Variants in BIRC2 observed in about 807,000 individuals in gnomAD.
The protein encoded by BIRC2 is baculoviral IAP repeat-containing protein 2.
A neutral mutation model predicts 60.9 loss-of-function variants in BIRC2; 18 were observed. The observed-to-expected ratio is 0.30, with a 90% CI of 0.20 to 0.44. BIRC2 has a LOEUF of 0.44. Among genes scored for constraint, BIRC2 ranks in the 20% least tolerant of loss-of-function variants. The pLI is 1.00. For synonymous variants in BIRC2, 282 were observed against 247.7 expected (o/e 1.14, Z -1.30); for missense variants, 701 against 728.5 (o/e 0.96, Z 0.43).
At chr11:102,374,394 C>T (rs1411063359) in intron 6 of BIRC2, among the ~76,000 whole-genome samples, 1 of 148,082 alleles carries the variant, frequency 6.8e-6, no homozygotes, top group Non-Finnish European at 1.5e-5. Context: ...ACAGACAGGA[C>T]CCTCAGCTGC....
At chr11:102,370,851 G>GTTTGTAGTTCTCC (rs1239728849) in intron 6 of BIRC2, among the ~76,000 whole-genome samples, 1 of 50,548 alleles carries the variant, frequency 2.0e-5, no homozygotes, top group Non-Finnish European at 3.5e-5. Context: ...TTGAGCAGTG[G>GTTTGTAGTTCTCC]TTTGTAGTTC....
chr11:102,363,946 A>C (rs936343128), intron 5 of BIRC2, among the ~76,000 whole-genome samples: 6 of 151,358 alleles, frequency 4.0e-5, no homozygotes, highest in Non-Finnish European at 7.4e-5. Flanking sequence ...GCTACTCGGG[A>C]GGCTGAGGCA....
At chr11:102,374,444 G>A (rs1437143077) in intron 6 of BIRC2, among the ~76,000 whole-genome samples, 1 of 148,668 alleles carries the variant, frequency 6.7e-6, no homozygotes, top group Non-Finnish European at 1.5e-5. Flanking sequence ...GTGTCAGTGT[G>A]CCCCTGCTGG....
chr11:102,364,145 A>C, intron 5 of BIRC2, among the ~76,000 whole-genome samples: 1 of 58,990 alleles, frequency 1.7e-5, no homozygotes, highest in South Asian at 5.6e-4. Flanking sequence ...AATATTATAT[A>C]TATATATATA....
chr11:102,350,276 C>T lies in BIRC2; in HGVS notation c.422C>T (p.Pro141Leu), dbSNP rs1316518138. 1.9e-6 allele frequency: 3 copies of T among 1,614,220 alleles called. No homozygotes were observed. Among genetic ancestry groups the T allele is most frequent in the Non-Finnish European group, 2.5e-6 (3 of 1,180,044 alleles). The change falls in exon 2 of 9, where the codon CCC (proline) becomes CTC (leucine). Residue 141 changes from proline to leucine, a missense_variant. Around this residue, in one of 4 missense-constraint regions of BIRC2, gnomAD observed 375 missense variants for 365.9 expected, o/e 1.02. Transcript: ENST00000227758. ...AACAGTTTTGCACATTCATTATCTCCCACCTTGGAACATAGTAGCTTGTTC... is the reference window on the plus strand; with the variant it reads ...AACAGTTTTGCACATTCATTATCTCTCACCTTGGAACATAGTAGCTTGTTC... The part of the protein sequence containing the change: ...MRNSFAHSLS[P>L]TLEHSSLFSG...
At position 102,377,481 on chromosome 11, in the gene BIRC2, C is replaced by CT. The variant is rs1220922375; in HGVS notation, c.1367-8dup. ...TTTAAAATCTAATGGATTTCTTTTT[C>CT]TTTTTTTAATGAAGATGATTTGTCA... On this transcript the variant is annotated splice_polypyrimidine_tract_variant and intron_variant, in intron 6 of 8. Coordinates refer to ENST00000227758, the MANE Select transcript of BIRC2 (RefSeq NM_001166.5). 3 of 1,575,092 alleles carry CT rather than the reference C, an allele frequency of 1.9e-6. No homozygotes were observed. The highest frequency in any genetic ancestry group is 1.2e-5 in the South Asian group (1 of 84,380).
At chr11:102,356,130 T>C (rs1253011284) in intron 3 of BIRC2, among the ~76,000 whole-genome samples, 1 of 152,148 alleles carries the variant, frequency 6.6e-6, no homozygotes, top group African/African-American at 2.4e-5. Flanking sequence ...CAGTATTATA[T>C]TGAATAGACG....
At chr11:102,355,209 C>T (rs1373987088) in intron 3 of BIRC2, among the ~76,000 whole-genome samples, 1 of 151,874 alleles carries the variant, frequency 6.6e-6, no homozygotes, top group Non-Finnish European at 1.5e-5. Flanking sequence ...TTTTAGCCTA[C>T]GTTTTCTTTA....
intron 3 of BIRC2, 193 bp from the exon 4 acceptor site, chr11:102,362,703 T>C (rs1457642837): frequency 8.3e-6 from 4 of 480,384 alleles, no homozygotes; most frequent in South Asian, 3.4e-5. Context: ...TACCGTGATA[T>C]ATAACACACA....
chr11:102,356,431 C>T (rs988661065), intron 3 of BIRC2, among the ~76,000 whole-genome samples: 6 of 151,788 alleles, frequency 4.0e-5, no homozygotes, highest in African/African-American at 9.7e-5. Flanking sequence ...CTCCTGACCT[C>T]GTGATCCACC....
chr11:102,362,111 T>C (rs892557573), intron 3 of BIRC2, among the ~76,000 whole-genome samples: 1 of 152,218 alleles, frequency 6.6e-6, no homozygotes, highest in Non-Finnish European at 1.5e-5. Flanking sequence ...TTTTGGTCTT[T>C]TGTCTAATAA....
At position 102,348,628 on chromosome 11, in the gene BIRC2, T is replaced by A. The variant is rs1028399591; in HGVS notation, c.-1227T>A. 3.6e-6 allele frequency: 1 copy of A among 280,452 alleles called. No individual in the cohort carries two copies. The highest frequency in any genetic ancestry group is 7.0e-6 in the Non-Finnish European group (1 of 142,260). 17.4% of individuals were successfully genotyped at this position (280,452 alleles called of 1,614,324 possible). ...CAACCCTGAAGAATCTCCCTATCCC[T>A]ATTTTGTCCCCCTGCAGTAATAAAT... is the stretch of plus-strand genomic sequence containing the variant. On this transcript the variant is annotated 5_prime_UTR_variant, in exon 2 of 9. Coordinates refer to ENST00000227758, the MANE Select transcript of BIRC2 (RefSeq NM_001166.5).
intron 3 of BIRC2, among the ~76,000 whole-genome samples, chr11:102,361,130 GTC>G (rs1951480639): frequency 6.6e-6 from 1 of 152,038 alleles, no homozygotes; most frequent in Admixed American, 6.5e-5. Flanking sequence ...CAGCACTGAT[GTC>G]TCTGATGGCG....
At chr11:102,367,699 A>G (rs1951569429) in intron 5 of BIRC2, among the ~76,000 whole-genome samples, 1 of 152,170 alleles carries the variant, frequency 6.6e-6, no homozygotes. Context: ...TTTTTTCTTC[A>G]GAGCATCTGT....
intron 5 of BIRC2, among the ~76,000 whole-genome samples, chr11:102,366,039 C>T (rs1016078583): frequency 6.6e-6 from 1 of 152,036 alleles, no homozygotes; most frequent in African/African-American, 2.4e-5. Flanking sequence ...CATAGCTCAG[C>T]TTAAATTTAT....
intron 3 of BIRC2, among the ~76,000 whole-genome samples, chr11:102,351,614 C>CAAAAAAAAAAAAAAAAAAAAAAAAAAAA (rs768269523): frequency 1.5e-5 from 1 of 68,608 alleles, no homozygotes. Context: ...GACTCTGTCT[C>CAAAAAAAAAAAAAAAAAAAAAAAAAAAA]AAAAAAAAAA....
At chr11:102,353,030 C>G (rs1199498494) in intron 3 of BIRC2, among the ~76,000 whole-genome samples, 2 of 151,854 alleles carry the variant, frequency 1.3e-5, no homozygotes, top group Non-Finnish European at 2.9e-5. Context: ...TGAAAAATGA[C>G]TAAATTATTA....
chr11:102,351,094 A>C, intron 3 of BIRC2, 151 bp downstream of exon 3: 3 of 746,614 alleles, frequency 4.0e-6, no homozygotes, highest in Non-Finnish European at 4.3e-6. Flanking sequence ...TTTTAACTTT[A>C]ATTATTTTGT....
At chr11:102,363,581 A>T in intron 4 of BIRC2, 87 bp from the exon 5 acceptor site, 1 of 999,374 alleles carries the variant, frequency 1.0e-6, no homozygotes, top group Non-Finnish European at 1.5e-6. Flanking sequence ...ATATACATTT[A>T]CTTAAAGTAA....
Sources: allele counts gnomAD v4.1 joint callset (sites outside exome capture counted in the v4.1 genomes callset), GRCh38; gene constraint gnomAD v4.1.1; regional missense constraint gnomAD v4.1.1; transcripts MANE v1.5; gene names NCBI Gene and HGNC (gene_info 2026-07-23, HGNC 2026-07-21).